The following TRIM33 variants were observed in gnomAD, a reference collection of about 807,000 sequenced individuals.
The protein encoded by TRIM33 is E3 ubiquitin-protein ligase TRIM33.
Under a neutral mutation model 125.4 loss-of-function variants are expected in TRIM33, and 20 were observed. The observed-to-expected ratio is 0.16, with a 90% confidence interval of 0.11 to 0.23. The LOEUF (loss-of-function observed/expected upper bound fraction) is 0.23, where lower values mean the gene tolerates loss of function less well. TRIM33 is among the 10% of genes least tolerant of loss of function. The pLI is 1.00. For synonymous variants in TRIM33, 564 were observed against 513.9 expected, an observed-to-expected ratio of 1.10 and a Z score of -1.32; for missense variants, 920 against 1,411.4, an observed-to-expected ratio of 0.65 and a Z score of 5.58.
intron 4 of TRIM33, among the ~76,000 whole-genome samples, chr1:114,460,927 T>C (rs2101366925): frequency 6.6e-6 from 1 of 152,194 alleles, no homozygotes; most frequent in South Asian, 2.1e-4. Context: ...TTGTAATAAA[T>C]TGGCAGTAGT....
intron 4 of TRIM33, among the ~76,000 whole-genome samples, chr1:114,439,157 T>G (rs891263365): frequency 6.6e-6 from 1 of 152,188 alleles, no homozygotes; most frequent in African/African-American, 2.4e-5. Flanking sequence ...GTCTTCAAAA[T>G]CATTTATCTT....
At chr1:114,458,051 T>A (rs1205576284) in intron 4 of TRIM33, among the ~76,000 whole-genome samples, 1 of 152,240 alleles carries the variant, frequency 6.6e-6, no homozygotes, top group African/African-American at 2.4e-5. Flanking sequence ...ACAAGCTGTC[T>A]TTGCTCATTC....
At chr1:114,480,206 T>C (rs1206188904) in intron 1 of TRIM33, among the ~76,000 whole-genome samples, 1 of 152,202 alleles carries the variant, frequency 6.6e-6, no homozygotes, top group East Asian at 1.9e-4. Context: ...CTGAAACATG[T>C]GCTGTGTCCA....
intron 6 of TRIM33, among the ~76,000 whole-genome samples, chr1:114,428,862 C>CTT (rs547292378): frequency 8.0e-4 from 114 of 142,890 alleles, no homozygotes; most frequent in Non-Finnish European, 1.4e-3. Flanking sequence ...CCTTAAGAGG[C>CTT]TTTTTTTTTT....
At chr1:114,429,699 A>G (rs2101179439) in intron 6 of TRIM33, among the ~76,000 whole-genome samples, 1 of 152,216 alleles carries the variant, frequency 6.6e-6, no homozygotes, top group South Asian at 2.1e-4. Flanking sequence ...CATTATTACT[A>G]TTCAATGGTG....
At chr1:114,408,524 AG>A (rs1652388235) in intron 13 of TRIM33, among the ~76,000 whole-genome samples, 152 bp downstream of exon 13, 1 of 152,238 alleles carries the variant, frequency 6.6e-6, no homozygotes, top group Non-Finnish European at 1.5e-5. Flanking sequence ...AGGAATTGGC[AG>A]AAGTATAGAA....
rs368331212 is a variant in TRIM33 at position 114,408,683 on chromosome 1, C to T, written c.2252G>A (p.Arg751Gln). 21 of 1,597,288 alleles carry T rather than the reference C, an allele frequency of 1.3e-5. No individual in the cohort carries two copies. The highest frequency in any genetic ancestry group is 2.2e-5 in the East Asian group (1 of 44,656). Residue 751 changes from arginine to glutamine, a missense_variant, in exon 13 of 20, where the codon CGA becomes CAA. Arg to Gln is a conservative substitution (Grantham distance 43, BLOSUM62 1). Transcript: ENST00000358465. ...TAATTATCAATATACTCACCTGCCT[C>T]GACTGCCAGTACTAGAAGTACTTGG... ...RPPSTSSTGS[R>Q]GSCGSSGRTA...
intron 4 of TRIM33, among the ~76,000 whole-genome samples, chr1:114,451,894 AAAC>A (rs773516666): frequency 6.6e-6 from 1 of 152,164 alleles, no homozygotes; most frequent in Non-Finnish European, 1.5e-5. Context: ...AGGCAAGAAA[AAAC>A]AAAACACAGT....
intron 1 of TRIM33, among the ~76,000 whole-genome samples, chr1:114,482,377 A>T (rs1185518146): frequency 6.6e-6 from 1 of 152,222 alleles, no homozygotes; most frequent in Non-Finnish European, 1.5e-5. Context: ...AGATCAGAGT[A>T]GCTATGAATA....
chr1:114,432,928 T>C (rs1648055683), intron 5 of TRIM33, among the ~76,000 whole-genome samples: 1 of 152,220 alleles, frequency 6.6e-6, no homozygotes, highest in Non-Finnish European at 1.5e-5. Context: ...CCTAATATTT[T>C]TGAGTCTATA....
At chr1:114,481,737 G>T (rs1242510901) in intron 1 of TRIM33, among the ~76,000 whole-genome samples, 4 of 150,744 alleles carry the variant, frequency 2.7e-5, no homozygotes, top group African/African-American at 9.8e-5. Context: ...CTCCCCATGG[G>T]ATACAGCTGA....
At chr1:114,465,221 G>A (rs1459797508) in intron 1 of TRIM33, among the ~76,000 whole-genome samples, 1 of 152,148 alleles carries the variant, frequency 6.6e-6, no homozygotes, top group Non-Finnish European at 1.5e-5. Flanking sequence ...TATCAGAATG[G>A]ATAAACTGTT....
At chr1:114,447,892 G>A (rs1010416090) in intron 4 of TRIM33, among the ~76,000 whole-genome samples, 1 of 152,168 alleles carries the variant, frequency 6.6e-6, no homozygotes, top group Non-Finnish European at 1.5e-5. Flanking sequence ...ACCTTGAAAA[G>A]AGCAATGTTG....
chr1:114,433,813 C>T, intron 4 of TRIM33, 80 bp from the exon 5 acceptor site: 2 of 859,586 alleles, frequency 2.3e-6, no homozygotes, highest in East Asian at 4.9e-5. Context: ...CTAAATGAGT[C>T]AATCTTGAAA....
chr1:114,461,215 A>AAAT (rs1189329511), intron 4 of TRIM33, among the ~76,000 whole-genome samples: 7 of 133,154 alleles, frequency 5.3e-5, no homozygotes, highest in South Asian at 2.4e-4. Context: ...TGTCTTTAAA[A>AAAT]ATATATATAT....
intron 1 of TRIM33, among the ~76,000 whole-genome samples, chr1:114,491,135 T>C (rs981885489): frequency 2.6e-5 from 4 of 152,214 alleles, no homozygotes; most frequent in Non-Finnish European, 2.9e-5. Flanking sequence ...TACTGAACCA[T>C]ACACTTCAAA....
At chr1:114,426,521 T>A (rs1470009132) in intron 8 of TRIM33, among the ~76,000 whole-genome samples, 1 of 149,938 alleles carries the variant, frequency 6.7e-6, no homozygotes, top group Non-Finnish European at 1.5e-5. Flanking sequence ...TTTTTTTTTT[T>A]TAAAAAAAAA....
At chr1:114,505,819 C>T (rs533652154) in intron 1 of TRIM33, among the ~76,000 whole-genome samples, 135 of 152,244 alleles carry the variant, frequency 8.9e-4, no homozygotes, top group Admixed American at 2.7e-3. Context: ...CTGCCCGCCT[C>T]GGCCTCCCAA....
chr1:114,499,313 T>C (rs1489610459), intron 1 of TRIM33, among the ~76,000 whole-genome samples: 2 of 152,032 alleles, frequency 1.3e-5, no homozygotes, highest in Non-Finnish European at 2.9e-5. Context: ...AAAGTATTAA[T>C]TAGATCAAGA....
Sources: allele counts gnomAD v4.1 joint callset (sites outside exome capture counted in the v4.1 genomes callset), GRCh38; gene constraint gnomAD v4.1.1; transcripts MANE v1.5; gene names NCBI Gene and HGNC (gene_info 2026-07-23, HGNC 2026-07-21).